EYS: variants seen among roughly 807,000 people sequenced by gnomAD.
The protein encoded by EYS is protein eyes shut homolog.
A neutral mutation model predicts 282.1 loss-of-function variants in EYS; 250 were observed. The observed-to-expected ratio is 0.89, with a 90% confidence interval of 0.80 to 0.98. The LOEUF (loss-of-function observed/expected upper bound fraction) is 0.98, where lower values mean the gene tolerates loss of function less well. Among genes scored for constraint, EYS ranks in the 50% least tolerant of loss-of-function variants. The pLI, the probability that EYS is intolerant of heterozygous loss-of-function variation, is 0.00. For missense variants in EYS, 4,016 were observed against 3,709.0 expected (o/e 1.08, Z -2.15); for synonymous variants, 1,355 against 1,282.9 (o/e 1.06, Z -1.20).
intron 31 of EYS, among the ~76,000 whole-genome samples, chr6:64,110,446 A>G (rs555856451): frequency 3.9e-5 from 6 of 152,032 alleles, no homozygotes; most frequent in Admixed American, 1.3e-4. Flanking sequence ...GTGTGTTTGT[A>G]GATCAGAAGA....
At position 65,405,380 on chromosome 6, in the gene EYS, A is replaced by G. The variant is rs1165040973; in HGVS notation, c.863-13T>C. The G allele has an allele frequency of 1.9e-6, 3 of 1,567,306 alleles. No individual in the cohort carries two copies. Among genetic ancestry groups the G allele is most frequent in the South Asian group, 2.3e-5 (2 of 87,624 alleles). The stretch of plus-strand genomic sequence containing the variant: ...TCACAGAATGGACCTTAAAAAAATC[A>G]CACACAAGAAAAAAAAAGAAAAGGA... On this transcript the variant is annotated splice_polypyrimidine_tract_variant and intron_variant, in intron 5 of 42. Coordinates refer to ENST00000503581, the MANE Select transcript of EYS (RefSeq NM_001142800.2).
chr6:65,011,953 A>C (rs1462316265), intron 13 of EYS, among the ~76,000 whole-genome samples: 1 of 152,152 alleles, frequency 6.6e-6, no homozygotes, highest in Non-Finnish European at 1.5e-5. Flanking sequence ...CACTCTATTA[A>C]ATCTTGCAAC....
chr6:63,752,091 T>G (rs1477542538), intron 41 of EYS, among the ~76,000 whole-genome samples: 1 of 152,168 alleles, frequency 6.6e-6, no homozygotes, highest in Non-Finnish European at 1.5e-5. Context: ...ACTTTAAAAT[T>G]TTTGCAATAA....
chr6:64,442,562 G>T (rs376185506), intron 26 of EYS, among the ~76,000 whole-genome samples: 11 of 152,262 alleles, frequency 7.2e-5, no homozygotes, highest in African/African-American at 2.4e-4. Flanking sequence ...CTCATTACAG[G>T]CCTGGAGGCC....
At chr6:64,542,684 A>C (rs144388479) in intron 26 of EYS, among the ~76,000 whole-genome samples, 1 of 152,228 alleles carries the variant, frequency 6.6e-6, no homozygotes, top group Non-Finnish European at 1.5e-5. Context: ...ATATAAAATG[A>C]CCAAAAATTA....
At position 64,346,846 on chromosome 6, in the gene EYS, T is replaced by A. The variant is rs549862145; in HGVS notation, c.6079-39764A>T. On this transcript the variant is annotated intron_variant, in intron 29 of 42. Coordinates refer to ENST00000503581, the MANE Select transcript of EYS (RefSeq NM_001142800.2). ...ATTATAATATTGTCATTGGCATATT[T>A]GGAAGGAAATTAATGAAAAAACCTA... 6.6e-5 allele frequency among the ~76,000 whole-genome samples: 10 copies of A among 151,554 alleles called. No homozygotes were observed. In the East Asian group the frequency reaches 1.2e-3, roughly 18 times the overall value.
At chr6:65,204,840 T>G (rs1765988069) in intron 12 of EYS, among the ~76,000 whole-genome samples, 1 of 150,364 alleles carries the variant, frequency 6.7e-6, no homozygotes, top group African/African-American at 2.4e-5. Flanking sequence ...AAGAACGTAT[T>G]TATATATTCT....
chr6:64,905,401 A>T (rs1438921438), intron 16 of EYS, among the ~76,000 whole-genome samples: 1 of 152,202 alleles, frequency 6.6e-6, no homozygotes, highest in East Asian at 1.9e-4. Context: ...ATTCCTACTC[A>T]GAACTATTCG....
intron 12 of EYS, among the ~76,000 whole-genome samples, chr6:65,140,579 C>T (rs1296367526): frequency 5.3e-5 from 8 of 150,748 alleles, no homozygotes; most frequent in Non-Finnish European, 7.4e-5. Flanking sequence ...AGAAAATTTT[C>T]GCAACCTACT....
intron 12 of EYS, among the ~76,000 whole-genome samples, chr6:65,105,544 A>C (rs1021302731): frequency 2.0e-5 from 3 of 151,936 alleles, no homozygotes; most frequent in African/African-American, 7.2e-5. Context: ...CAGAAAATTT[A>C]AATGACTATA....
At chr6:64,409,605 C>T (rs1773822064) in intron 28 of EYS, among the ~76,000 whole-genome samples, 1 of 152,152 alleles carries the variant, frequency 6.6e-6, no homozygotes, top group Non-Finnish European at 1.5e-5. Flanking sequence ...TTTGGTTGAA[C>T]TAACTTCACC....
chr6:64,870,249 A>G (rs1766550308), intron 19 of EYS, among the ~76,000 whole-genome samples: 1 of 151,650 alleles, frequency 6.6e-6, no homozygotes, highest in Non-Finnish European at 1.5e-5. Context: ...TAAAAGTGCT[A>G]TTCATAACAG....
At chr6:64,773,869 A>G (rs1395638324) in intron 22 of EYS, among the ~76,000 whole-genome samples, 2 of 151,688 alleles carry the variant, frequency 1.3e-5, no homozygotes, top group African/African-American at 2.4e-5. Flanking sequence ...ATTTTCTCCC[A>G]TTCTGTAGGT....
At chr6:63,796,895 G>T (rs1187407382) in intron 37 of EYS, among the ~76,000 whole-genome samples, 1 of 152,154 alleles carries the variant, frequency 6.6e-6, no homozygotes, top group Non-Finnish European at 1.5e-5. Context: ...TTCCTTTCCT[G>T]TCAAGGCTGA....
At chr6:65,624,670 G>C (rs951619411) in intron 2 of EYS, among the ~76,000 whole-genome samples, 1 of 152,166 alleles carries the variant, frequency 6.6e-6, no homozygotes, top group African/African-American at 2.4e-5. Context: ...GCAGGAGAAG[G>C]TGGAAGAGCA....
At chr6:65,519,708 A>ATATATATATATATATATTTTTTTTTT (rs1554205854) in intron 2 of EYS, among the ~76,000 whole-genome samples, 1 of 42,562 alleles carries the variant, frequency 2.3e-5, no homozygotes, top group Non-Finnish European at 3.7e-5. Flanking sequence ...ATATATATAT[A>ATATATATATATATATATTTTTTTTTT]TTTTTTTTTT....
Position 64,793,623 on chromosome 6 carries a change from C to T in EYS, c.3443+19755G>A, listed in dbSNP as rs114639665. ...TGTTGTAGCTACCTTTTTTTATTTA[C>T]GGTTTCAAATTCAATGGCTTGAGTT... On this transcript the variant is annotated intron_variant, in intron 22 of 42. Transcript: ENST00000503581. 5.3e-3 allele frequency among the ~76,000 whole-genome samples: 813 copies of T among 152,112 alleles called. 9 individuals are homozygous for T. The highest frequency in any genetic ancestry group is 0.019 in the African/African-American group (772 of 41,498).
chr6:63,830,380 C>T (rs1054507717), intron 36 of EYS, among the ~76,000 whole-genome samples: 4 of 152,116 alleles, frequency 2.6e-5, no homozygotes, highest in Admixed American at 2.6e-4. Context: ...CTTAAATGAC[C>T]TGATGGAGCT....
At chr6:63,789,998 T>C (rs1189714751) in intron 37 of EYS, among the ~76,000 whole-genome samples, 6 of 152,150 alleles carry the variant, frequency 3.9e-5, no homozygotes, top group Non-Finnish European at 8.8e-5. Flanking sequence ...GAGACCCAAA[T>C]ACGTCACCCA....
Sources: allele counts gnomAD v4.1 joint callset (sites outside exome capture counted in the v4.1 genomes callset), GRCh38; gene constraint gnomAD v4.1.1; transcripts MANE v1.5; gene names NCBI Gene and HGNC (gene_info 2026-07-23, HGNC 2026-07-21).